Variants in LY6S observed in about 807,000 individuals in gnomAD.
LY6S encodes lymphocyte antigen 6 family member S.
chr8:143,070,306 G>A, the LY6S span, among the ~76,000 whole-genome samples: 2 of 147,730 alleles, frequency 1.4e-5, no homozygotes, highest in Non-Finnish European at 3.0e-5. Context: ...GGCTCAACAT[G>A]TGAATTTGAG....
the LY6S span, among the ~76,000 whole-genome samples, chr8:143,046,803 C>A: frequency 2.6e-5 from 4 of 151,732 alleles, no homozygotes; most frequent in Admixed American, 6.6e-5. Context: ...AGTTCGAGAT[C>A]GGCCTGGTCA....
the LY6S span, among the ~76,000 whole-genome samples, chr8:143,054,906 C>A: frequency 1.3e-5 from 2 of 152,242 alleles, no homozygotes; most frequent in Admixed American, 6.5e-5. Flanking sequence ...TCTTCAACAG[C>A]AGCTGGACTC....
the LY6S span, among the ~76,000 whole-genome samples, chr8:143,068,326 G>A: frequency 1.9e-3 from 286 of 152,280 alleles, 2 homozygotes; most frequent in African/African-American, 6.6e-3. Context: ...CAGAGTTGGG[G>A]CTAAAGTTAC....
At chr8:143,056,923 G>A in the LY6S span, 1 of 159,380 alleles carries the variant, frequency 6.3e-6, no homozygotes, top group African/African-American at 2.4e-5. Flanking sequence ...TTAGTATCCA[G>A]AATAAAATCA....
At chr8:143,044,250 T>G in the LY6S span, 1 of 456,110 alleles carries the variant, frequency 2.2e-6, no homozygotes, top group Non-Finnish European at 4.4e-6. Context: ...ACCCGCGGCA[T>G]GAAGTGGGGA....
At chr8:143,059,670 G>A in the LY6S span, 6 of 152,118 alleles carry the variant, frequency 3.9e-5, no homozygotes, top group African/African-American at 7.2e-5. Flanking sequence ...ATCATGATAT[G>A]TTGCCTGGCT....
chr8:143,057,494 C>T, the LY6S span: 56 of 692,928 alleles, frequency 8.1e-5, no homozygotes, highest in Middle Eastern at 3.8e-4. Context: ...GTGATCCGCC[C>T]GCCCCGGCCT....
At chr8:143,053,619 C>T in the LY6S span, 1 of 152,138 alleles carries the variant, frequency 6.6e-6, no homozygotes, top group East Asian at 1.9e-4. Flanking sequence ...TCTTTAAGTT[C>T]CCCCTCTTAA....
the LY6S span, among the ~76,000 whole-genome samples, chr8:143,058,191 G>A: frequency 3.9e-5 from 6 of 152,190 alleles, no homozygotes; most frequent in Non-Finnish European, 7.3e-5. Context: ...GGCGACAAGA[G>A]ATTGTAGAAA....
chr8:143,044,817 G>A, the LY6S span: 4 of 1,365,386 alleles, frequency 2.9e-6, no homozygotes, highest in South Asian at 4.6e-5. Context: ...GAGAGGGCAA[G>A]GTGGGTGACT....
chr8:143,042,934 A>T, the LY6S span: 1 of 1,194,084 alleles, frequency 8.4e-7, no homozygotes. Flanking sequence ...CAAGGAGTTT[A>T]AGCAGGGATA....
chr8:143,073,893 A>G, the LY6S span, among the ~76,000 whole-genome samples: 1 of 146,500 alleles, frequency 6.8e-6, no homozygotes, highest in East Asian at 2.1e-4. Flanking sequence ...CTGTTTGAGG[A>G]GACAGCCATC....
the LY6S span, chr8:143,060,071 C>T: frequency 6.4e-6 from 1 of 155,816 alleles, no homozygotes; most frequent in East Asian, 1.9e-4. Flanking sequence ...AAAAACCAGG[C>T]CATACAGAGA....
At chr8:143,048,391 C>T in the LY6S span, among the ~76,000 whole-genome samples, 2,411 of 152,236 alleles carry the variant, frequency 0.016, 58 homozygotes, top group African/African-American at 0.056. Flanking sequence ...CGTTTGCTGT[C>T]CCTCTGGTAG....
chr8:143,047,145 A>ATT, the LY6S span, among the ~76,000 whole-genome samples: 52 of 148,264 alleles, frequency 3.5e-4, no homozygotes, highest in Non-Finnish European at 4.2e-4. Context: ...TAGGGGCTTG[A>ATT]TTTTTTTTTT....
At chr8:143,062,151 T>G in the LY6S span, among the ~76,000 whole-genome samples, 1 of 152,216 alleles carries the variant, frequency 6.6e-6, no homozygotes, top group Non-Finnish European at 1.5e-5. Context: ...GCAAATGATA[T>G]ATTTGCATAT....
chr8:143,047,144 G>GC, the LY6S span, among the ~76,000 whole-genome samples: 1 of 86,986 alleles, frequency 1.1e-5, no homozygotes, highest in South Asian at 4.3e-4. Context: ...GTAGGGGCTT[G>GC]ATTTTTTTTT....
At chr8:143,070,483 ATATATATTTTT>A in the LY6S span, among the ~76,000 whole-genome samples, 1 of 85,970 alleles carries the variant, frequency 1.2e-5, no homozygotes, top group East Asian at 4.2e-4. Flanking sequence ...ATAAATATAT[ATATATATTTTT>A]TTTTTTTTTT....
chr8:143,067,844 G>A, the LY6S span, among the ~76,000 whole-genome samples: 1 of 152,186 alleles, frequency 6.6e-6, no homozygotes, highest in African/African-American at 2.4e-5. Context: ...AAGAGTAACC[G>A]AGCAGTATTG....
Sources: gnomAD v4.1 joint callset for allele counts (sites outside exome capture counted in the v4.1 genomes callset) on GRCh38, gnomAD v4.1.1 for gene constraint, MANE v1.5 for transcripts, NCBI Gene and HGNC (gene_info 2026-07-23, HGNC 2026-07-21) for gene names.